Variants in USP7 observed in about 807,000 individuals in gnomAD.
USP7 encodes the protein ubiquitin C-terminal hydrolase 7.
Under a neutral mutation model 162.9 loss-of-function variants are expected in USP7, and 9 were observed. The observed-to-expected ratio is 0.06, with a 90% CI of 0.03 to 0.10. The LOEUF (loss-of-function observed/expected upper bound fraction) is 0.10. USP7 is among the 10% of genes least tolerant of loss of function. USP7 has a pLI of 1.00. For missense variants in USP7, 715 were observed against 1,373.7 expected, an observed-to-expected ratio of 0.52 and a Z score of 7.58; for synonymous variants, 562 against 475.9, an observed-to-expected ratio of 1.18 and a Z score of -2.35.
intron 11 of USP7, 148 bp from the exon 12 acceptor site, chr16:8,908,598 T>A: frequency 1.6e-6 from 1 of 623,248 alleles, no homozygotes; most frequent in East Asian, 2.9e-5. Context: ...TAGGGCATCT[T>A]TGAAATGTTT....
intron 1 of USP7, among the ~76,000 whole-genome samples, chr16:8,932,327 A>G (rs1314741109): frequency 6.6e-6 from 1 of 152,180 alleles, no homozygotes; most frequent in African/African-American, 2.4e-5. Context: ...GCACTCTGGG[A>G]GGCAAAGATG....
intron 1 of USP7, among the ~76,000 whole-genome samples, chr16:8,954,273 G>A (rs1899688606): frequency 6.6e-6 from 1 of 152,190 alleles, no homozygotes; most frequent in Non-Finnish European, 1.5e-5. Context: ...GGAAGCAGAG[G>A]CTTTGAACAG....
At position 8,901,008 on chromosome 16, in the gene USP7, A is replaced by G. The variant is rs1312521562; in HGVS notation, c.2190T>C (p.Thr730=). Residue 730 remains threonine, a synonymous_variant, in exon 20 of 31, where the codon ACT becomes ACC. Coordinates refer to ENST00000344836, the MANE Select transcript of USP7 (RefSeq NM_003470.3). ...MCDRAGFIQD[T]SLILYEEVKP... ...TCCAAACCTCATAGAGGATAAGGCT[A>G]GTATCTTGAATAAATCCTGCTCTGT... 6.2e-7 allele frequency: 1 copy of G among 1,614,024 alleles called. No homozygotes were observed. The highest frequency in any genetic ancestry group is 8.5e-7 in the Non-Finnish European group (1 of 1,180,000).
At chr16:8,908,522 G>A in intron 11 of USP7, 72 bp from the exon 12 acceptor site, 1 of 1,337,260 alleles carries the variant, frequency 7.5e-7, no homozygotes, top group African/African-American at 1.5e-5. Context: ...AGCAACAGCG[G>A]TTCAGCAAGA....
At chr16:8,914,460 T>C (rs1057443975) in intron 10 of USP7, among the ~76,000 whole-genome samples, 4 of 152,216 alleles carry the variant, frequency 2.6e-5, no homozygotes, top group Non-Finnish European at 1.5e-5. Flanking sequence ...ATCTGCCTTA[T>C]GCCTAACCAC....
chr16:8,941,184 C>A (rs1227486842), intron 1 of USP7, among the ~76,000 whole-genome samples: 1 of 152,184 alleles, frequency 6.6e-6, no homozygotes, highest in African/African-American at 2.4e-5. Flanking sequence ...CCAGCCCTCA[C>A]GCCCTCTGTG....
intron 16 of USP7, 136 bp downstream of exon 16, chr16:8,903,132 G>A: frequency 8.4e-7 from 1 of 1,186,554 alleles, no homozygotes; most frequent in South Asian, 1.7e-5. Flanking sequence ...AAATGTTCCT[G>A]GGTCACACTC....
intron 1 of USP7, among the ~76,000 whole-genome samples, chr16:8,939,939 A>T (rs139012432): frequency 0.046 from 6,986 of 152,286 alleles, 220 homozygotes; most frequent in Middle Eastern, 0.14. Context: ...CTCTACTAAA[A>T]ATACAAAAAT....
In USP7 at chr16:8,904,476, G is replaced by A. The variant is rs1567212497; in HGVS notation, c.1663C>T (p.Arg555Trp). 1 of 1,614,124 alleles carries A rather than the reference G, an allele frequency of 6.2e-7. No individual in the cohort carries two copies. The highest frequency in any genetic ancestry group is 8.5e-7 in the Non-Finnish European group (1 of 1,180,034). The part of the protein sequence containing the change: ...QEEKRIEAQK[R>W]KERQEAHLYM... ...AGATGGGCTTCCTGCCGCTCCTTCC[G>A]CTTCTGAGCCTCGATCCTTTTCTCT... Residue 555 changes from arginine (R) to tryptophan (W), a missense_variant, in exon 15 of 31, where the codon CGG (arginine) becomes TGG (tryptophan). This residue lies in a region of USP7 where 197 missense variants were observed against 306.5 expected (regional missense o/e 0.64). Coordinates refer to ENST00000344836, the MANE Select transcript of USP7 (RefSeq NM_003470.3).
chr16:8,961,568 G>A (rs1900016787), intron 1 of USP7, among the ~76,000 whole-genome samples: 2 of 146,386 alleles, frequency 1.4e-5, no homozygotes, highest in Admixed American at 1.4e-4. Flanking sequence ...ATACAGGTCT[G>A]TAACACACAT....
intron 1 of USP7, among the ~76,000 whole-genome samples, chr16:8,954,671 G>A (rs1364820714): frequency 2.0e-5 from 3 of 152,156 alleles, no homozygotes; most frequent in Non-Finnish European, 4.4e-5. Context: ...TGAGGTTTGC[G>A]TAGTTTAATA....
intron 1 of USP7, among the ~76,000 whole-genome samples, chr16:8,947,119 G>C (rs1007035493): frequency 1.3e-5 from 2 of 152,018 alleles, no homozygotes; most frequent in Non-Finnish European, 2.9e-5. Context: ...TGTAAGATTG[G>C]TTTTTTCATA....
intron 25 of USP7, chr16:8,897,314 G>A (rs970925331): frequency 1.4e-5 from 7 of 511,702 alleles, no homozygotes; most frequent in Non-Finnish European, 2.1e-5. Flanking sequence ...ACTGACGGGA[G>A]GTTAACAAAA....
intron 1 of USP7, among the ~76,000 whole-genome samples, chr16:8,956,118 A>G (rs1420609102): frequency 1.3e-5 from 2 of 152,208 alleles, no homozygotes; most frequent in African/African-American, 2.4e-5. Context: ...AACACAGGAC[A>G]CTGTCCTCCC....
At chr16:8,908,485 C>A in intron 11 of USP7, 35 bp from the exon 12 acceptor site, 1 of 1,559,710 alleles carries the variant, frequency 6.4e-7, no homozygotes. Context: ...ATGTAGTTAG[C>A]CTCTACTTAC....
intron 2 of USP7, among the ~76,000 whole-genome samples, chr16:8,927,237 G>C (rs943369015): frequency 6.6e-6 from 1 of 151,732 alleles, no homozygotes; most frequent in Non-Finnish European, 1.5e-5. Context: ...CAGGAGAATC[G>C]CTTGAACCCG....
chr16:8,912,426 G>C (rs138005920), intron 10 of USP7, among the ~76,000 whole-genome samples: 1 of 151,136 alleles, frequency 6.6e-6, no homozygotes, highest in East Asian at 1.9e-4. Context: ...CTCCAGCCGG[G>C]GCGACAGAGT....
At chr16:8,956,736 C>A (rs1419391255) in intron 1 of USP7, among the ~76,000 whole-genome samples, 3 of 151,452 alleles carry the variant, frequency 2.0e-5, no homozygotes, top group Non-Finnish European at 4.4e-5. Context: ...GCACTCCAGC[C>A]TGGGTAACGA....
chr16:8,958,936 T>C (rs1400744769), intron 1 of USP7, among the ~76,000 whole-genome samples: 2 of 152,258 alleles, frequency 1.3e-5, no homozygotes, highest in African/African-American at 4.8e-5. Flanking sequence ...ACATCGGATA[T>C]GGTTACTGTG....
Sources: gnomAD v4.1 joint callset for allele counts (sites outside exome capture counted in the v4.1 genomes callset) on GRCh38, gnomAD v4.1.1 for gene constraint, gnomAD v4.1.1 regional missense constraint, MANE v1.5 for transcripts, NCBI Gene and HGNC (gene_info 2026-07-23, HGNC 2026-07-21) for gene names.